The following CCNY variants were observed in gnomAD, a reference collection of about 807,000 sequenced individuals.
The protein encoded by CCNY is cyclin-Y.
CCNY carries 19 observed loss-of-function variants against 42.8 expected under a neutral mutation model. The ratio of observed to expected loss-of-function variants is 0.44; its 90% CI spans 0.31 to 0.65. CCNY has a LOEUF of 0.65. Among genes scored for constraint, CCNY ranks in the 30% least tolerant of loss-of-function variants. CCNY has a pLI of 0.07. For missense variants in CCNY, 370 were observed against 437.3 expected (o/e 0.85, Z 1.37); for synonymous variants, 165 against 162.7 (o/e 1.01, Z -0.11).
At chr10:35,307,351 G>A (rs1266768313) in intron 3 of CCNY, among the ~76,000 whole-genome samples, 1 of 152,224 alleles carries the variant, frequency 6.6e-6, no homozygotes, top group African/African-American at 2.4e-5. Flanking sequence ...CAGGTGTGGC[G>A]GCTCACGCGC....
At chr10:35,504,127 A>T (rs919976301) in intron 3 of CCNY, among the ~76,000 whole-genome samples, 4 of 152,156 alleles carry the variant, frequency 2.6e-5, no homozygotes, top group Non-Finnish European at 5.9e-5. Flanking sequence ...CACTTAGTAC[A>T]TGTTGCTAAG....
At chr10:35,427,990 A>G (rs938576968) in intron 1 of CCNY, among the ~76,000 whole-genome samples, 1 of 152,230 alleles carries the variant, frequency 6.6e-6, no homozygotes, top group Non-Finnish European at 1.5e-5. Context: ...CCTAGTGGTG[A>G]AGATGAAGGA....
At chr10:35,302,500 G>A (rs185005934) in intron 3 of CCNY, among the ~76,000 whole-genome samples, 1,540 of 151,676 alleles carry the variant, frequency 0.01, 36 homozygotes, top group African/African-American at 0.036. Context: ...TGGTAGAGAC[G>A]GGGTTTCTCC....
chr10:35,277,403 T>C (rs779627168), intron 3 of CCNY, among the ~76,000 whole-genome samples: 6 of 152,204 alleles, frequency 3.9e-5, no homozygotes, highest in Non-Finnish European at 5.9e-5. Flanking sequence ...TCCTTTCCTA[T>C]TAGGCCCTGA....
At chr10:35,559,997 CTTTTGG>C (rs201034248) in intron 8 of CCNY, among the ~76,000 whole-genome samples, 3,313 of 152,272 alleles carry the variant, frequency 0.022, 113 homozygotes, top group African/African-American at 0.075. Flanking sequence ...AGTTTTCTTT[CTTTTGG>C]AAGGAAAGGG....
At chr10:35,295,895 G>A (rs1266250923) in intron 3 of CCNY, among the ~76,000 whole-genome samples, 8 of 152,142 alleles carry the variant, frequency 5.3e-5, no homozygotes, top group African/African-American at 7.2e-5. Context: ...TCTGTTGATA[G>A]ATATTTGGGT....
At chr10:35,308,720 A>G (rs530143309) in intron 3 of CCNY, among the ~76,000 whole-genome samples, 10 of 152,282 alleles carry the variant, frequency 6.6e-5, no homozygotes, top group African/African-American at 2.4e-4. Flanking sequence ...GGCAGATAAG[A>G]GCTCATTTCA....
intron 3 of CCNY, among the ~76,000 whole-genome samples, chr10:35,256,726 G>C (rs1046392322): frequency 6.2e-5 from 9 of 144,100 alleles, no homozygotes; most frequent in African/African-American, 2.4e-4. Flanking sequence ...GAGAGACTCT[G>C]TCTCAAAAAT....
chr10:35,464,563 C>CTTT lies in CCNY; in HGVS notation c.155-18829_155-18827dup, dbSNP rs113364772. Among the ~76,000 whole-genome samples the CTTT allele has an allele frequency of 3.0e-3, 435 of 143,826 alleles. 1 individual carries two copies. Among genetic ancestry groups the CTTT allele is most frequent in the African/African-American group, 0.01 (412 of 39,352 alleles). 94.4% of individuals were successfully genotyped at this position (143,826 alleles called of 152,430 possible). A position where few individuals can be genotyped will look rare whatever the true frequency, so the allele number is the denominator to read the frequency against. On this transcript the variant is annotated intron_variant, in intron 1 of 9. Transcript: ENST00000374704. Reference sequence around the variant, plus strand: ...TGGTGCGTCTCAAATGCCCAGTATGCTTTTTTTTTTTTTTAAATTAACCCT... The same window carrying CTTT: ...TGGTGCGTCTCAAATGCCCAGTATGCTTTTTTTTTTTTTTTTTAAATTAACCCT...
At chr10:35,383,105 G>A (rs1269446520) in intron 1 of CCNY, among the ~76,000 whole-genome samples, 1 of 152,116 alleles carries the variant, frequency 6.6e-6, no homozygotes, top group African/African-American at 2.4e-5. Context: ...GCCTTTTTCT[G>A]TATCTGTGGG....
At chr10:35,314,796 C>G (rs1835734288) in intron 3 of CCNY, 1 of 152,174 alleles carries the variant, frequency 6.6e-6, no homozygotes, top group African/African-American at 2.4e-5. Flanking sequence ...TATTAAATAA[C>G]TTTTTGCCGG....
intron 3 of CCNY, among the ~76,000 whole-genome samples, chr10:35,270,436 C>T (rs1174347645): frequency 1.3e-5 from 2 of 152,232 alleles, no homozygotes; most frequent in Non-Finnish European, 2.9e-5. Flanking sequence ...CCATGACTCA[C>T]ATCCAGTGAC....
chr10:35,317,744 C>T (rs1039754742), intron 3 of CCNY, among the ~76,000 whole-genome samples: 7 of 152,086 alleles, frequency 4.6e-5, no homozygotes, highest in Admixed American at 3.3e-4. Flanking sequence ...GGAAAGGGGA[C>T]GTGGGGAATG....
chr10:35,554,080 A>G (rs997131948), intron 8 of CCNY, among the ~76,000 whole-genome samples: 6 of 152,286 alleles, frequency 3.9e-5, no homozygotes, highest in Admixed American at 2.0e-4. Context: ...GGAGGTTACC[A>G]GCTCTGTCTC....
At chr10:35,285,643 G>T (rs1835346569) in intron 3 of CCNY, among the ~76,000 whole-genome samples, 1 of 152,058 alleles carries the variant, frequency 6.6e-6, no homozygotes, top group African/African-American at 2.4e-5. Flanking sequence ...GTAGAGACAG[G>T]GTCTCATTAT....
intron 1 of CCNY, among the ~76,000 whole-genome samples, chr10:35,356,809 C>G (rs1209314540): frequency 6.6e-6 from 1 of 152,112 alleles, no homozygotes. Context: ...TTATAATCCT[C>G]TCTCTCTCTC....
chr10:35,471,101 T>C (rs1339230218), intron 1 of CCNY, among the ~76,000 whole-genome samples: 1 of 152,154 alleles, frequency 6.6e-6, no homozygotes, highest in Non-Finnish European at 1.5e-5. Context: ...ATCTTGAAGT[T>C]CCAGAACCTA....
intron 3 of CCNY, among the ~76,000 whole-genome samples, chr10:35,270,727 T>TC (rs931647103): frequency 8.5e-6 from 1 of 117,652 alleles, no homozygotes; most frequent in Non-Finnish European, 1.7e-5. Flanking sequence ...CTTTTTTTTT[T>TC]CTTTTTTTTT....
chr10:35,439,374 ATTCT>A (rs779647687), intron 1 of CCNY, among the ~76,000 whole-genome samples: 24 of 152,012 alleles, frequency 1.6e-4, no homozygotes, highest in East Asian at 3.9e-4. Context: ...CAGTTCACTG[ATTCT>A]TTCTTCTGTT....
Sources: allele counts gnomAD v4.1 joint callset (sites outside exome capture counted in the v4.1 genomes callset), GRCh38; gene constraint gnomAD v4.1.1; transcripts MANE v1.5; gene names NCBI Gene and HGNC (gene_info 2026-07-23, HGNC 2026-07-21).